PIBF1: variants seen among roughly 807,000 people sequenced by gnomAD.
PIBF1 encodes progesterone-induced-blocking factor 1.
Under a neutral mutation model 112.5 loss-of-function variants are expected in PIBF1, and 90 were observed. That is an observed-to-expected ratio of 0.80 (90% CI 0.67 to 0.95). The LOEUF (loss-of-function observed/expected upper bound fraction) is 0.95, where lower values mean the gene tolerates loss of function less well. Ranked by LOEUF, PIBF1 falls within the 40% of genes least tolerant of loss-of-function variation. The pLI, the probability that PIBF1 is intolerant of heterozygous loss-of-function variation, is 0.00. For missense variants in PIBF1, 915 were observed against 852.3 expected (o/e 1.07, Z -0.92); for synonymous variants, 301 against 288.6 (o/e 1.04, Z -0.44).
At chr13:72,859,700 T>C (rs1280817674) in intron 10 of PIBF1, among the ~76,000 whole-genome samples, 2 of 152,180 alleles carry the variant, frequency 1.3e-5, no homozygotes, top group African/African-American at 4.8e-5. Context: ...GTTTATAGGC[T>C]TAGATGTGAA....
intron 10 of PIBF1, among the ~76,000 whole-genome samples, chr13:72,868,411 A>G (rs914380115): frequency 2.0e-5 from 3 of 152,198 alleles, no homozygotes; most frequent in Non-Finnish European, 2.9e-5. Flanking sequence ...CTGTAAAGGA[A>G]CTCACATACC....
At chr13:72,810,054 A>C (rs1006800281) in intron 5 of PIBF1, among the ~76,000 whole-genome samples, 1 of 152,196 alleles carries the variant, frequency 6.6e-6, no homozygotes, top group Non-Finnish European at 1.5e-5. Context: ...TTTTACTTCA[A>C]GTCCGGAGTT....
At chr13:72,911,369 CAGCAA>C (rs2040887163) in intron 12 of PIBF1, among the ~76,000 whole-genome samples, 1 of 151,862 alleles carries the variant, frequency 6.6e-6, no homozygotes, top group African/African-American at 2.4e-5. Flanking sequence ...TTAACAAAGG[CAGCAA>C]AGCAAACAAA....
At chr13:72,967,205 A>T (rs1055415786) in intron 15 of PIBF1, among the ~76,000 whole-genome samples, 3 of 152,150 alleles carry the variant, frequency 2.0e-5, no homozygotes, top group African/African-American at 7.2e-5. Flanking sequence ...AAGTGCTAGG[A>T]TTAAAGGCAT....
chr13:72,894,772 A>AGTGT (rs35885902), intron 11 of PIBF1, among the ~76,000 whole-genome samples: 13,167 of 137,034 alleles, frequency 0.096, 778 homozygotes, highest in Non-Finnish European at 0.13. Flanking sequence ...ATATATATAT[A>AGTGT]GTGTGTGTGT....
chr13:72,826,726 A>G (rs1424156006), intron 6 of PIBF1, among the ~76,000 whole-genome samples: 1 of 152,218 alleles, frequency 6.6e-6, no homozygotes, highest in Non-Finnish European at 1.5e-5. Context: ...ACTAATGAAA[A>G]AATACCAAAT....
intron 11 of PIBF1, among the ~76,000 whole-genome samples, chr13:72,904,458 T>TGAG (rs778530128): frequency 7.9e-5 from 8 of 101,538 alleles, no homozygotes; most frequent in East Asian, 2.6e-4. Context: ...TTTTTTTTTT[T>TGAG]GAGGAGGAGT....
At chr13:72,926,458 G>A (rs1391748470) in intron 13 of PIBF1, among the ~76,000 whole-genome samples, 1 of 152,118 alleles carries the variant, frequency 6.6e-6, no homozygotes. Context: ...TACTTTTAAA[G>A]ACCACTGGTC....
chr13:72,863,800 C>T (rs1015369889), intron 10 of PIBF1, among the ~76,000 whole-genome samples: 3 of 152,124 alleles, frequency 2.0e-5, no homozygotes, highest in African/African-American at 7.2e-5. Context: ...TGTAATGACA[C>T]TATGTACACA....
rs71099767 is a variant in PIBF1 at position 72,904,433 on chromosome 13, C to CTTTTTTTTTTTTTTTTTTTTTTTTTTTT, written c.1489-4073_1489-4072insTTTTTTTTTTTTTTTTTTTTTTTTTTTT. On this transcript the variant is annotated intron_variant, in intron 11 of 17. Coordinates refer to ENST00000326291, the MANE Select transcript of PIBF1 (RefSeq NM_006346.4). The stretch of plus-strand genomic sequence containing the variant: ...ATTTATCCAAAATATCAAAATATTT[C>CTTTTTTTTTTTTTTTTTTTTTTTTTTTT]TTTTTTTTTTTTTTTTTTTTTTTTT... Among the ~76,000 whole-genome samples, 33 of 36,552 alleles carry CTTTTTTTTTTTTTTTTTTTTTTTTTTTT rather than the reference C, an allele frequency of 9.0e-4. 5 individuals carry two copies. The highest frequency in any genetic ancestry group is 3.3e-3 in the East Asian group (3 of 902). The allele number at this position is 36,552 out of a possible 152,430, so 24.0% of individuals were successfully genotyped here. A position where few individuals can be genotyped will look rare whatever the true frequency, so the allele number is the denominator to read the frequency against.
chr13:72,843,356 A>C (rs564067766), intron 9 of PIBF1, among the ~76,000 whole-genome samples: 1 of 152,184 alleles, frequency 6.6e-6, no homozygotes, highest in Non-Finnish European at 1.5e-5. Flanking sequence ...AACGACCCCA[A>C]CTTTTCTACC....
At chr13:73,000,130 G>C (rs1016324942) in intron 17 of PIBF1, among the ~76,000 whole-genome samples, 2 of 152,220 alleles carry the variant, frequency 1.3e-5, no homozygotes, top group African/African-American at 4.8e-5. Context: ...GAGAAAACAG[G>C]ATGGCTCAGT....
intron 13 of PIBF1, among the ~76,000 whole-genome samples, chr13:72,921,613 A>G (rs1437087069): frequency 1.3e-5 from 2 of 152,120 alleles, no homozygotes; most frequent in Non-Finnish European, 2.9e-5. Flanking sequence ...GTCATTTTTA[A>G]TGGTTATCCA....
intron 17 of PIBF1, among the ~76,000 whole-genome samples, chr13:73,013,381 G>A (rs1002429853): frequency 4.8e-5 from 7 of 146,834 alleles, no homozygotes; most frequent in Admixed American, 1.4e-4. Context: ...TATTTGAAAC[G>A]GTGACAGAAT....
intron 16 of PIBF1, among the ~76,000 whole-genome samples, chr13:72,977,741 T>G (rs1172833186): frequency 2.6e-5 from 4 of 152,230 alleles, no homozygotes; most frequent in Non-Finnish European, 5.9e-5. Flanking sequence ...AAGTATCTTC[T>G]CTCATGTTAA....
intron 8 of PIBF1, among the ~76,000 whole-genome samples, chr13:72,829,312 G>T (rs1205306101): frequency 4.6e-5 from 7 of 152,138 alleles, no homozygotes; most frequent in African/African-American, 1.4e-4. Context: ...TTTGGCTTTT[G>T]CTGCCATTGC....
At chr13:72,988,725 A>T (rs1308462793) in intron 16 of PIBF1, among the ~76,000 whole-genome samples, 2 of 152,184 alleles carry the variant, frequency 1.3e-5, no homozygotes, top group Admixed American at 6.6e-5. Flanking sequence ...AAAAATTCCC[A>T]CTGAAGTATT....
Position 72,824,820 on chromosome 13 carries a change from A to G in PIBF1, c.807-2190A>G, listed in dbSNP as rs2036727066. ...CTACCTTAACCTAGTGATCAAAGTT[A>G]CTATCACCAATAATGGGATAAACTG... On this transcript the variant is annotated intron_variant, in intron 6 of 17. Coordinates refer to ENST00000326291, the MANE Select transcript of PIBF1 (RefSeq NM_006346.4). Among the ~76,000 whole-genome samples, 4 of 152,214 alleles carry G rather than the reference A, an allele frequency of 2.6e-5. No homozygotes were observed. In the South Asian group the frequency reaches 8.3e-4, roughly 32 times the overall value.
Position 72,969,207 on chromosome 13 carries a change from A to C in PIBF1, c.1964+3803A>C, listed in dbSNP as rs61966210. On this transcript the variant is annotated intron_variant, in intron 15 of 17. Transcript: ENST00000326291. ...CATTCTTAGTACTTACCATACATGT[A>C]ACAAATTTTTGGTTGAAAATTATAT... is the stretch of plus-strand genomic sequence containing the variant. Among the ~76,000 whole-genome samples the C allele has an allele frequency of 4.9e-3, 742 of 152,326 alleles. 3 individuals are homozygous for C. The highest frequency in any genetic ancestry group is 0.011 in the Admixed American group (175 of 15,294).
Sources: allele counts gnomAD v4.1 joint callset (sites outside exome capture counted in the v4.1 genomes callset), GRCh38; gene constraint gnomAD v4.1.1; transcripts MANE v1.5; gene names NCBI Gene and HGNC (gene_info 2026-07-23, HGNC 2026-07-21).